Variants in RAI14 observed in about 807,000 individuals in gnomAD.
RAI14 encodes ankycorbin.
In RAI14, 45 loss-of-function variants were observed where a neutral mutation model predicts 115.4. That is an observed-to-expected ratio of 0.39 (90% confidence interval 0.31 to 0.50). RAI14 has a LOEUF of 0.50. Ranked by LOEUF, RAI14 falls within the 20% of genes least tolerant of loss-of-function variation. The pLI, the probability that RAI14 is intolerant of heterozygous loss-of-function variation, is 0.85. For synonymous variants in RAI14, 371 were observed against 415.4 expected (o/e 0.89, Z 1.30); for missense variants, 939 against 1,131.2 (o/e 0.83, Z 2.44).
intron 2 of RAI14, among the ~76,000 whole-genome samples, chr5:34,698,117 C>T (rs1245805399): frequency 1.9e-5 from 1 of 53,424 alleles, no homozygotes; most frequent in East Asian, 8.2e-4. Context: ...TCTCCCCCCT[C>T]CCCTCCCCCT....
At chr5:34,764,538 TCTC>T (rs745399923) in intron 3 of RAI14, among the ~76,000 whole-genome samples, 2 of 121,998 alleles carry the variant, frequency 1.6e-5, no homozygotes, top group African/African-American at 2.5e-5. Flanking sequence ...AGGTGAATTT[TCTC>T]TCTCTCTCTC....
intron 2 of RAI14, among the ~76,000 whole-genome samples, chr5:34,724,953 A>G (rs556858971): frequency 6.6e-6 from 1 of 152,170 alleles, no homozygotes; most frequent in African/African-American, 2.4e-5. Context: ...GGGGTCTCCT[A>G]GGTTACCAAG....
chr5:34,800,967 C>T (rs779883941), intron 4 of RAI14, among the ~76,000 whole-genome samples: 1 of 152,172 alleles, frequency 6.6e-6, no homozygotes, highest in Non-Finnish European at 1.5e-5. Flanking sequence ...TCAGAATGTG[C>T]TTGTCCACAG....
chr5:34,734,804 G>T (rs1256004893), intron 2 of RAI14, among the ~76,000 whole-genome samples: 1 of 152,050 alleles, frequency 6.6e-6, no homozygotes, highest in East Asian at 1.9e-4. Context: ...GGGATTACAG[G>T]CACATACCAC....
intron 2 of RAI14, chr5:34,716,237 T>C: frequency 6.0e-6 from 2 of 334,532 alleles, no homozygotes; most frequent in South Asian, 4.7e-5. Context: ...TGGAAATTTG[T>C]ACATGATAAT....
chr5:34,749,272 T>C (rs927792318), intron 2 of RAI14, among the ~76,000 whole-genome samples: 4 of 152,198 alleles, frequency 2.6e-5, no homozygotes, highest in African/African-American at 9.7e-5. Flanking sequence ...ACAAGAGCAT[T>C]CTAATTGGTG....
Position 34,823,073 on chromosome 5 carries a change from T to C in RAI14, c.1231T>C (p.Ser411Pro). ...PGETSPPDSK[S>P]SPSVLIHSLG... Reference sequence around the variant, plus strand: ...TGAAACCTCTCCCCCAGACTCCAAATCATCTCCATCTGTCTTAATACATTC... The same window carrying C: ...TGAAACCTCTCCCCCAGACTCCAAACCATCTCCATCTGTCTTAATACATTC... The change falls in exon 15 of 18, where the codon TCA becomes CCA. Residue 411 changes from serine (S) to proline (P), a missense_variant. Transcript: ENST00000265109. This position sits in a 1 kb window ranked among gnomAD's most constrained non-coding sequence, Gnocchi z 4.5. 6.2e-7 allele frequency: 1 copy of C among 1,612,712 alleles called. No individual in the cohort carries two copies. The highest frequency in any genetic ancestry group is 8.5e-7 in the Non-Finnish European group (1 of 1,178,782).
intron 2 of RAI14, among the ~76,000 whole-genome samples, chr5:34,711,853 G>A (rs1391026610): frequency 6.6e-6 from 1 of 152,196 alleles, no homozygotes; most frequent in Non-Finnish European, 1.5e-5. Flanking sequence ...CAGGTGGAAG[G>A]CCCTGTCAAA....
chr5:34,693,537 T>C (rs1252831251), intron 2 of RAI14, among the ~76,000 whole-genome samples: 1 of 152,240 alleles, frequency 6.6e-6, no homozygotes, highest in Non-Finnish European at 1.5e-5. Flanking sequence ...CTTTGCATGC[T>C]CTTTGTCATT....
At chr5:34,689,412 A>T (rs1738292733) in intron 2 of RAI14, among the ~76,000 whole-genome samples, 1 of 152,150 alleles carries the variant, frequency 6.6e-6, no homozygotes, top group Non-Finnish European at 1.5e-5. Flanking sequence ...CTCAAAAAAC[A>T]AAAACAAACT....
intron 5 of RAI14, among the ~76,000 whole-genome samples, chr5:34,805,340 C>T (rs1017959641): frequency 2.0e-5 from 3 of 152,062 alleles, no homozygotes; most frequent in Non-Finnish European, 4.4e-5. Flanking sequence ...TCTCAGTAGC[C>T]CAGGCTCTCT....
chr5:34,746,097 C>A (rs1270776696), intron 2 of RAI14, among the ~76,000 whole-genome samples: 3 of 133,186 alleles, frequency 2.3e-5, no homozygotes, highest in South Asian at 2.8e-4. Flanking sequence ...CCCCTCCCCC[C>A]CCCGCCTTTT....
chr5:34,703,355 A>G (rs1057432176), intron 2 of RAI14, among the ~76,000 whole-genome samples: 3 of 152,258 alleles, frequency 2.0e-5, no homozygotes, highest in Admixed American at 2.0e-4. Context: ...AAAAATTAGA[A>G]ACCACTTAAG....
rs1745042320 is a variant in RAI14, at chr5:34,737,721, T to C, written c.37-19747T>C. Among the ~76,000 whole-genome samples, 3 of 152,176 alleles carry C rather than the reference T, an allele frequency of 2.0e-5. No homozygotes were observed. The South Asian group carries it at 6.2e-4, about 31-fold the overall frequency. ...CTGCAGTGAGCTATGAGCCCACCACTGCACTCCAGCCTGGGTGACAGAGTG... is the reference window on the plus strand; with the variant it reads ...CTGCAGTGAGCTATGAGCCCACCACCGCACTCCAGCCTGGGTGACAGAGTG... On this transcript the variant is annotated intron_variant, in intron 2 of 17. Coordinates refer to ENST00000265109, the MANE Select transcript of RAI14 (RefSeq NM_015577.3).
At chr5:34,783,103 C>A (rs1209484828) in intron 3 of RAI14, among the ~76,000 whole-genome samples, 1 of 152,090 alleles carries the variant, frequency 6.6e-6, no homozygotes. Context: ...GATAAATATG[C>A]CCAATAAGTA....
rs376134304 is a variant in RAI14 at position 34,780,128 on chromosome 5, T to G, written c.168-15811T>G. ...ACAAAAACAAGAAATGGGGAAAGGA[T>G]TCCCTATTTAATAAATGGTGCTGGG... On this transcript the variant is annotated intron_variant, in intron 3 of 17. Coordinates refer to ENST00000265109, the MANE Select transcript of RAI14 (RefSeq NM_015577.3). 2.4e-4 allele frequency among the ~76,000 whole-genome samples: 36 copies of G among 152,306 alleles called. No individual in the cohort carries two copies. In the South Asian group the frequency reaches 7.2e-3, roughly 31 times the overall value.
At chr5:34,675,046 A>G (rs1743883565) in intron 1 of RAI14, among the ~76,000 whole-genome samples, 2 of 152,074 alleles carry the variant, frequency 1.3e-5, no homozygotes, top group Middle Eastern at 3.4e-3. Flanking sequence ...ACAGGCATGT[A>G]CCACCACACC....
chr5:34,736,682 C>T (rs970995359), intron 2 of RAI14, among the ~76,000 whole-genome samples: 7 of 152,174 alleles, frequency 4.6e-5, no homozygotes, highest in Non-Finnish European at 8.8e-5. Context: ...GGATTACAGG[C>T]ATGAGCCATC....
At chr5:34,803,510 T>C (rs1754517166) in intron 4 of RAI14, among the ~76,000 whole-genome samples, 2 of 152,088 alleles carry the variant, frequency 1.3e-5, no homozygotes, top group Admixed American at 6.6e-5. Flanking sequence ...AGAGCCATGA[T>C]CGCGTCACTG....
Sources: allele counts gnomAD v4.1 joint callset (sites outside exome capture counted in the v4.1 genomes callset), GRCh38; gene constraint gnomAD v4.1.1; non-coding constraint Gnocchi (gnomAD v3.1); transcripts MANE v1.5; gene names NCBI Gene and HGNC (gene_info 2026-07-23, HGNC 2026-07-21).